Variants in RBFOX1 observed in about 807,000 individuals in gnomAD.
RBFOX1 encodes the protein RNA binding fox-1 homolog 1, also known as RNA binding protein fox-1 homolog 1.
RBFOX1 carries 8 observed loss-of-function variants against 57.7 expected under a neutral mutation model. The ratio of observed to expected loss-of-function variants is 0.14; its 90% CI spans 0.08 to 0.25. The LOEUF is 0.25. Among genes scored for constraint, RBFOX1 ranks in the 10% least tolerant of loss-of-function variants. The pLI is 1.00. For synonymous variants in RBFOX1, 326 were observed against 222.4 expected (o/e 1.47, Z -4.15); for missense variants, 611 against 548.5 (o/e 1.11, Z -1.14).
At chr16:7,527,712 T>C (rs181152574) in intron 5 of RBFOX1, among the ~76,000 whole-genome samples, 96 of 152,292 alleles carry the variant, frequency 6.3e-4, no homozygotes, top group Admixed American at 1.6e-3. Flanking sequence ...GAAATCCTAA[T>C]ACAGTAATGT....
intron 4 of RBFOX1, among the ~76,000 whole-genome samples, chr16:7,410,893 C>T (rs187552565): frequency 8.0e-5 from 12 of 150,850 alleles, no homozygotes; most frequent in Admixed American, 6.6e-4. Flanking sequence ...GTGGGGAGTA[C>T]TAATAAGTTC....
chr16:6,738,439 G>T (rs1215253037), intron 3 of RBFOX1, among the ~76,000 whole-genome samples: 1 of 152,108 alleles, frequency 6.6e-6, no homozygotes, highest in Non-Finnish European at 1.5e-5. Context: ...AGTATTTATA[G>T]GAATTCTGAA....
intron 3 of RBFOX1, among the ~76,000 whole-genome samples, chr16:6,745,771 G>T (rs560407840): frequency 2.0e-4 from 30 of 152,268 alleles, no homozygotes; most frequent in African/African-American, 7.0e-4. Flanking sequence ...CCCTTTCGCA[G>T]TATTTTAGCC....
At chr16:7,042,663 C>T (rs1029993066) in intron 3 of RBFOX1, among the ~76,000 whole-genome samples, 7 of 152,194 alleles carry the variant, frequency 4.6e-5, no homozygotes, top group African/African-American at 1.2e-4. Context: ...CAGTGGCTTG[C>T]GCCTGTAATG....
intron 2 of RBFOX1, among the ~76,000 whole-genome samples, chr16:6,469,120 A>C: frequency 6.6e-6 from 1 of 152,204 alleles, no homozygotes; most frequent in East Asian, 1.9e-4. Context: ...GCTGCATTAC[A>C]ACCTGAACCA....
rs564226696 is a variant in RBFOX1, at chr16:6,153,218, C to T, written c.-127+133226C>T. On this transcript the variant is annotated intron_variant, in intron 1 of 15. Transcript: ENST00000550418. Reference sequence around the variant, plus strand: ...ACACTAAGCAAAAGAAGTTCCAGAACAGAATTAAAACTATGCAGCATTCCT... The same window carrying T: ...ACACTAAGCAAAAGAAGTTCCAGAATAGAATTAAAACTATGCAGCATTCCT... Among the ~76,000 whole-genome samples, 44 of 151,994 alleles carry T rather than the reference C, an allele frequency of 2.9e-4. 1 individual carries two copies. The East Asian group carries it at 7.5e-3, about 26-fold the overall frequency.
intron 4 of RBFOX1, among the ~76,000 whole-genome samples, chr16:7,195,266 C>G (rs1229906485): frequency 6.6e-6 from 1 of 152,144 alleles, no homozygotes; most frequent in Non-Finnish European, 1.5e-5. Context: ...GCCTCATTCT[C>G]TTAAATTAAT....
intron 2 of RBFOX1, among the ~76,000 whole-genome samples, chr16:5,522,217 C>T (rs977052203): frequency 2.6e-5 from 4 of 152,192 alleles, no homozygotes; most frequent in African/African-American, 9.6e-5. Flanking sequence ...CTGAGCTCTT[C>T]TACTTTTTTA....
At position 6,645,920 on chromosome 16, in the gene RBFOX1, A is replaced by C. The variant is rs188710619; in HGVS notation, c.-63-8683A>C. On this transcript the variant is annotated intron_variant, in intron 2 of 15. Transcript: ENST00000550418. ...CAGAGTTCCAAAACTGGTGTGGTTG[A>C]GTCCGGTAGGATAAACCCTAGCAGT... Among the ~76,000 whole-genome samples the C allele has an allele frequency of 1.1e-4, 16 of 152,266 alleles. No individual in the cohort carries two copies. The East Asian group carries it at 3.1e-3, about 29-fold the overall frequency.
chr16:5,280,049 G>C (rs2063234851), intron 1 of RBFOX1, among the ~76,000 whole-genome samples: 1 of 152,184 alleles, frequency 6.6e-6, no homozygotes, highest in Admixed American at 6.5e-5. Flanking sequence ...ATTTTTCTCA[G>C]TGAGTAGGAT....
At chr16:7,037,234 T>TA (rs1033160294) in intron 3 of RBFOX1, among the ~76,000 whole-genome samples, 1 of 140,004 alleles carries the variant, frequency 7.1e-6, no homozygotes, top group Non-Finnish European at 1.5e-5. Context: ...GCCTCTTTTT[T>TA]TTTTTTTTTT....
rs1444605655 is a variant in RBFOX1, at chr16:7,654,067, C to CCCAGCATGCAG, written c.890+123_890+133dup. ...CCCCTCCGCCACCCCCAGAACCGCC[C>CCCAGCATGCAG]CCAGCATGCAGCCCGGCCGCGCACC... is the stretch of plus-strand genomic sequence containing the variant. On this transcript the variant is annotated intron_variant, in intron 12 of 15. Transcript: ENST00000550418. 16 of 1,083,862 alleles carry CCCAGCATGCAG rather than the reference C, an allele frequency of 1.5e-5. No homozygotes were observed. In the East Asian group the frequency reaches 4.4e-4, roughly 30 times the overall value. 67.1% of individuals were successfully genotyped at this position (1,083,862 alleles called of 1,614,324 possible). A position where few individuals can be genotyped will look rare whatever the true frequency, so the allele number is the denominator to read the frequency against.
chr16:6,883,889 G>T (rs923747688), intron 3 of RBFOX1, among the ~76,000 whole-genome samples: 1 of 151,862 alleles, frequency 6.6e-6, no homozygotes, highest in African/African-American at 2.4e-5. Flanking sequence ...TTTAATAAAA[G>T]CTGAGACTTA....
chr16:7,158,269 C>T (rs1468961862), intron 4 of RBFOX1, among the ~76,000 whole-genome samples: 3 of 152,106 alleles, frequency 2.0e-5, no homozygotes, highest in East Asian at 3.9e-4. Context: ...TCACTTGAAA[C>T]TGGAAGGCGG....
intron 4 of RBFOX1, among the ~76,000 whole-genome samples, chr16:7,066,581 A>G (rs1012131493): frequency 7.9e-5 from 12 of 152,162 alleles, no homozygotes; most frequent in Non-Finnish European, 1.3e-4. Context: ...TTTAACATCT[A>G]CCTTCTTGAC....
intron 10 of RBFOX1, among the ~76,000 whole-genome samples, chr16:7,611,756 C>T (rs181975886): frequency 2.6e-5 from 4 of 152,050 alleles, no homozygotes; most frequent in African/African-American, 9.7e-5. Context: ...CTCCCTCACA[C>T]GTGCCTTCCA....
At chr16:5,436,725 C>G (rs1007500201) in intron 1 of RBFOX1, among the ~76,000 whole-genome samples, 1 of 151,948 alleles carries the variant, frequency 6.6e-6, no homozygotes, top group Non-Finnish European at 1.5e-5. Context: ...GTAATCCCAC[C>G]TGTTTGAAAG....
intron 1 of RBFOX1, among the ~76,000 whole-genome samples, chr16:5,462,528 A>C (rs2151598447): frequency 6.6e-6 from 1 of 152,288 alleles, no homozygotes; most frequent in African/African-American, 2.4e-5. Context: ...AGCAGGATAC[A>C]CAATAACTCA....
chr16:7,660,924 C>T (rs1227574698), intron 12 of RBFOX1, among the ~76,000 whole-genome samples: 1 of 152,112 alleles, frequency 6.6e-6, no homozygotes, highest in African/African-American at 2.4e-5. Flanking sequence ...CAGACAATAC[C>T]CAACTCTCTT....
Sources: allele counts gnomAD v4.1 joint callset (sites outside exome capture counted in the v4.1 genomes callset), GRCh38; gene constraint gnomAD v4.1.1; transcripts MANE v1.5; gene names NCBI Gene and HGNC (gene_info 2026-07-23, HGNC 2026-07-21).